PLXDC2: variants seen among roughly 807,000 people sequenced by gnomAD.
PLXDC2 encodes plexin domain-containing protein 2.
PLXDC2 carries 40 observed loss-of-function variants against 68.9 expected under a neutral mutation model. The observed-to-expected ratio is 0.58, with a 90% CI of 0.45 to 0.76. The LOEUF (loss-of-function observed/expected upper bound fraction) is 0.76, where lower values mean the gene tolerates loss of function less well. Ranked by LOEUF, PLXDC2 falls within the 30% of genes least tolerant of loss-of-function variation. PLXDC2 has a pLI of 0.00. For missense variants in PLXDC2, 644 were observed against 661.9 expected, an observed-to-expected ratio of 0.97 and a Z score of 0.30; for synonymous variants, 243 against 234.2, an observed-to-expected ratio of 1.04 and a Z score of -0.34.
At chr10:19,860,014 G>T (rs929693118) in intron 1 of PLXDC2, among the ~76,000 whole-genome samples, 1 of 152,176 alleles carries the variant, frequency 6.6e-6, no homozygotes, top group Non-Finnish European at 1.5e-5. Context: ...ACAGACGTGA[G>T]CCACTGTGCC....
chr10:20,184,408 A>G (rs1834651626), intron 9 of PLXDC2, among the ~76,000 whole-genome samples: 1 of 149,214 alleles, frequency 6.7e-6, no homozygotes. Context: ...TACAAACGAT[A>G]TATAGTTTTA....
At chr10:20,027,898 A>G (rs183181018) in intron 2 of PLXDC2, among the ~76,000 whole-genome samples, 86 of 152,214 alleles carry the variant, frequency 5.6e-4, no homozygotes, top group Admixed American at 2.2e-3. Context: ...CAACACAGGT[A>G]GAACTTTAGG....
At chr10:19,879,841 C>A (rs928836222) in intron 1 of PLXDC2, among the ~76,000 whole-genome samples, 2 of 152,044 alleles carry the variant, frequency 1.3e-5, no homozygotes, top group African/African-American at 4.8e-5. Context: ...TGATTGGGTT[C>A]TCTTGGCCAT....
intron 1 of PLXDC2, among the ~76,000 whole-genome samples, chr10:19,890,878 A>G (rs1217794400): frequency 1.3e-5 from 2 of 151,944 alleles, no homozygotes; most frequent in African/African-American, 2.4e-5. Context: ...TTCCCAGCAT[A>G]TATATGCTCC....
chr10:20,238,666 T>TATATATATGTGTATATATATATATACAC (rs1588536440), intron 12 of PLXDC2, among the ~76,000 whole-genome samples: 1 of 31,838 alleles, frequency 3.1e-5, no homozygotes, highest in Admixed American at 2.5e-4. Flanking sequence ...AAAAAAAATA[T>TATATATATGTGTATATATATATATACAC]ATATATATAT....
At chr10:19,927,266 C>A (rs2131385832) in intron 1 of PLXDC2, among the ~76,000 whole-genome samples, 1 of 152,232 alleles carries the variant, frequency 6.6e-6, no homozygotes, top group East Asian at 1.9e-4. Context: ...GAGTCACGGG[C>A]ATTGGGAGCA....
At chr10:20,117,828 T>G (rs932015721) in intron 4 of PLXDC2, among the ~76,000 whole-genome samples, 1 of 152,118 alleles carries the variant, frequency 6.6e-6, no homozygotes, top group Non-Finnish European at 1.5e-5. Context: ...AAAATCTCAG[T>G]CAAGATGAAA....
intron 12 of PLXDC2, among the ~76,000 whole-genome samples, chr10:20,243,347 T>A (rs1293689402): frequency 1.3e-5 from 2 of 152,210 alleles, no homozygotes; most frequent in African/African-American, 4.8e-5. Flanking sequence ...TGCAAAGTAA[T>A]ACAACTATCC....
At chr10:20,251,071 T>G (rs552187757) in intron 13 of PLXDC2, among the ~76,000 whole-genome samples, 1 of 152,348 alleles carries the variant, frequency 6.6e-6, no homozygotes, top group Non-Finnish European at 1.5e-5. Context: ...ATCCCATGTC[T>G]TCTTATACAA....
intron 1 of PLXDC2, among the ~76,000 whole-genome samples, chr10:19,910,229 C>T (rs1346229296): frequency 6.6e-6 from 1 of 150,830 alleles, no homozygotes; most frequent in Non-Finnish European, 1.5e-5. Context: ...ACTTGTAAAC[C>T]TCTTTCATCT....
intron 4 of PLXDC2, among the ~76,000 whole-genome samples, chr10:20,100,119 G>A (rs957592979): frequency 1.3e-5 from 2 of 152,112 alleles, no homozygotes; most frequent in African/African-American, 4.8e-5. Flanking sequence ...CACAATAAGA[G>A]CACAAACTTT....
intron 1 of PLXDC2, among the ~76,000 whole-genome samples, chr10:19,953,869 A>G (rs1419327870): frequency 1.3e-5 from 2 of 152,024 alleles, no homozygotes; most frequent in South Asian, 4.1e-4. Context: ...TACTGTTTTG[A>G]TGAAATGATG....
chr10:19,999,591 G>A (rs1834898763), intron 1 of PLXDC2, among the ~76,000 whole-genome samples: 1 of 152,006 alleles, frequency 6.6e-6, no homozygotes, highest in African/African-American at 2.4e-5. Flanking sequence ...GTTCCTACAT[G>A]ACTCTTTGTG....
chr10:20,035,930 A>G (rs966708501), intron 2 of PLXDC2, among the ~76,000 whole-genome samples: 1 of 152,184 alleles, frequency 6.6e-6, no homozygotes, highest in African/African-American at 2.4e-5. Flanking sequence ...AAAATTATAC[A>G]TAGAAGTCAG....
At chr10:20,250,058 C>T (rs373468743) in intron 13 of PLXDC2, among the ~76,000 whole-genome samples, 3 of 151,842 alleles carry the variant, frequency 2.0e-5, no homozygotes, top group Non-Finnish European at 4.4e-5. Context: ...ACTTGAGGTC[C>T]GGAGTTCGAG....
intron 12 of PLXDC2, among the ~76,000 whole-genome samples, chr10:20,235,435 C>A (rs759983755): frequency 9.9e-5 from 15 of 152,182 alleles, no homozygotes; most frequent in Admixed American, 3.3e-4. Context: ...ATGAGTGGCA[C>A]TAACAACATT....
intron 4 of PLXDC2, among the ~76,000 whole-genome samples, chr10:20,112,140 C>T (rs1308878245): frequency 6.6e-6 from 1 of 152,136 alleles, no homozygotes; most frequent in Non-Finnish European, 1.5e-5. Context: ...CTCCCCAGAA[C>T]CTGACCATGC....
At chr10:20,085,647 G>T (rs1833181151) in intron 4 of PLXDC2, among the ~76,000 whole-genome samples, 1 of 152,112 alleles carries the variant, frequency 6.6e-6, no homozygotes, top group Admixed American at 6.6e-5. Flanking sequence ...ATATGGATAT[G>T]CGGACCCAAA....
chr10:19,929,543 G>T (rs1183698098), intron 1 of PLXDC2, among the ~76,000 whole-genome samples: 1 of 152,168 alleles, frequency 6.6e-6, no homozygotes, highest in Non-Finnish European at 1.5e-5. Context: ...TAAAAATCAT[G>T]TTCTAAAGTG....
Sources: allele counts gnomAD v4.1 joint callset (sites outside exome capture counted in the v4.1 genomes callset), GRCh38; gene constraint gnomAD v4.1.1; transcripts MANE v1.5; gene names NCBI Gene and HGNC (gene_info 2026-07-23, HGNC 2026-07-21).